Variants in BCKDHB observed in about 807,000 individuals in gnomAD.
BCKDHB encodes branched chain keto acid dehydrogenase E1 subunit beta, also known as 2-oxoisovalerate dehydrogenase subunit beta, mitochondrial.
Under a neutral mutation model 48.5 loss-of-function variants are expected in BCKDHB, and 41 were observed. The ratio of observed to expected loss-of-function variants is 0.85; its 90% CI spans 0.66 to 1.10. The LOEUF is 1.10. Among genes scored for constraint, BCKDHB ranks in the 50% least tolerant of loss-of-function variants. The probability of loss-of-function intolerance (pLI) is 0.00; values close to 1 mark genes in which losing one functional copy is unlikely to be tolerated. For synonymous variants in BCKDHB, 201 were observed against 174.8 expected (o/e 1.15, Z -1.18); for missense variants, 496 against 494.2 (o/e 1.00, Z -0.03).
the BCKDHB span, among the ~76,000 whole-genome samples, chr6:80,378,954 C>A: frequency 0.37 from 56,717 of 151,754 alleles, 12,154 homozygotes; most frequent in East Asian, 0.66. Context: ...AATAAAAAAT[C>A]TCCCAACAAC....
chr6:80,327,726 T>C (rs1562232682), intron 9 of BCKDHB, among the ~76,000 whole-genome samples: 1 of 152,216 alleles, frequency 6.6e-6, no homozygotes, highest in Non-Finnish European at 1.5e-5. Context: ...GTGGTAATAT[T>C]ATACCAATAT....
At chr6:80,178,175 G>A (rs1029716635) in intron 6 of BCKDHB, among the ~76,000 whole-genome samples, 1 of 152,142 alleles carries the variant, frequency 6.6e-6, no homozygotes, top group African/African-American at 2.4e-5. Flanking sequence ...TTTCTACGTG[G>A]AGTCAGAGTT....
At chr6:80,381,581 A>G in the BCKDHB span, among the ~76,000 whole-genome samples, 1 of 152,078 alleles carries the variant, frequency 6.6e-6, no homozygotes, top group African/African-American at 2.4e-5. Flanking sequence ...CTTTATCTGC[A>G]TTGAGATGTC....
the BCKDHB span, among the ~76,000 whole-genome samples, chr6:80,446,553 C>T: frequency 2.0e-5 from 3 of 152,064 alleles, no homozygotes; most frequent in Admixed American, 6.6e-5. Context: ...GGCAGCCTGC[C>T]CAGTCTCAGA....
chr6:80,127,715 A>AC, intron 2 of BCKDHB, 91 bp downstream of exon 2: 1 of 1,140,758 alleles, frequency 8.8e-7, no homozygotes, highest in Non-Finnish European at 1.3e-6. Context: ...TCAATGGTTA[A>AC]CATTGTATCT....
the BCKDHB span, among the ~76,000 whole-genome samples, chr6:80,395,204 A>G: frequency 6.6e-6 from 1 of 152,222 alleles, no homozygotes; most frequent in Non-Finnish European, 1.5e-5. Flanking sequence ...GGAACTGGAT[A>G]ACAGAGCTTG....
intron 6 of BCKDHB, among the ~76,000 whole-genome samples, chr6:80,197,884 G>A (rs1168127377): frequency 6.6e-6 from 1 of 152,044 alleles, no homozygotes; most frequent in Non-Finnish European, 1.5e-5. Flanking sequence ...ATATGTGTGT[G>A]CCTCTCTGTC....
chr6:80,162,144 A>G (rs183814407), intron 3 of BCKDHB, among the ~76,000 whole-genome samples: 1 of 152,258 alleles, frequency 6.6e-6, no homozygotes, highest in East Asian at 1.9e-4. Context: ...ATCATGCTGC[A>G]TGTTCCGGGT....
Position 80,139,492 on chromosome 6 carries a change from G to T in BCKDHB, c.343+10263G>T, listed in dbSNP as rs1297080904. Among the ~76,000 whole-genome samples the T allele has an allele frequency of 4.6e-5, 7 of 150,924 alleles. No homozygotes were observed. The East Asian group carries it at 1.4e-3, about 29-fold the overall frequency. ...AATTGATTTTTGTATAAGGTGTAAG[G>T]AAGGGATCCAGTTTCAGCTTTCTAC... On this transcript the variant is annotated intron_variant, in intron 3 of 9. Transcript: ENST00000320393.
the BCKDHB span, among the ~76,000 whole-genome samples, chr6:80,427,711 C>T: frequency 2.0e-5 from 3 of 151,862 alleles, no homozygotes; most frequent in African/African-American, 7.3e-5. Context: ...TCTTCATTTG[C>T]TAAGATAATT....
At chr6:80,401,504 T>A in the BCKDHB span, among the ~76,000 whole-genome samples, 1 of 151,872 alleles carries the variant, frequency 6.6e-6, no homozygotes, top group Non-Finnish European at 1.5e-5. Context: ...CAAATTGTAA[T>A]CCTCAATGTT....
chr6:80,159,669 A>G (rs1772220155), intron 3 of BCKDHB, among the ~76,000 whole-genome samples: 1 of 152,240 alleles, frequency 6.6e-6, no homozygotes, highest in Admixed American at 6.5e-5. Context: ...TTGTGAAATC[A>G]CAACATATTC....
chr6:80,444,237 T>C, the BCKDHB span, among the ~76,000 whole-genome samples: 1 of 151,974 alleles, frequency 6.6e-6, no homozygotes, highest in African/African-American at 2.4e-5. Flanking sequence ...CTTGTAGATG[T>C]TTGGAAGTCA....
chr6:80,255,696 C>T (rs1777020125), intron 8 of BCKDHB, among the ~76,000 whole-genome samples: 1 of 152,088 alleles, frequency 6.6e-6, no homozygotes, highest in Non-Finnish European at 1.5e-5. Context: ...GGATTTGGGT[C>T]CATGTGTTTA....
At chr6:80,408,573 G>A in the BCKDHB span, among the ~76,000 whole-genome samples, 1 of 151,974 alleles carries the variant, frequency 6.6e-6, no homozygotes, top group African/African-American at 2.4e-5. Context: ...CTTCTTCCTG[G>A]TTTAGTCTTG....
chr6:80,253,871 T>C (rs1466913804), intron 8 of BCKDHB, among the ~76,000 whole-genome samples: 1 of 152,014 alleles, frequency 6.6e-6, no homozygotes, highest in Non-Finnish European at 1.5e-5. Context: ...CACTAATTTT[T>C]TTCATGGCTT....
At chr6:80,270,200 A>G (rs554404826) in intron 8 of BCKDHB, among the ~76,000 whole-genome samples, 1 of 152,264 alleles carries the variant, frequency 6.6e-6, no homozygotes, top group East Asian at 1.9e-4. Flanking sequence ...AACTGTTTTC[A>G]GACAGTTCAG....
At chr6:80,422,999 G>T in the BCKDHB span, among the ~76,000 whole-genome samples, 833 of 152,258 alleles carry the variant, frequency 5.5e-3, 4 homozygotes, top group Non-Finnish European at 9.4e-3. Context: ...GGGGTTAGGC[G>T]TGGAATAATA....
intron 8 of BCKDHB, among the ~76,000 whole-genome samples, chr6:80,217,013 C>G (rs879384472): frequency 6.6e-6 from 1 of 152,020 alleles, no homozygotes; most frequent in Non-Finnish European, 1.5e-5. Context: ...GAGCCTGAGG[C>G]GGGTGGATCA....
Sources: allele counts gnomAD v4.1 joint callset (sites outside exome capture counted in the v4.1 genomes callset), GRCh38; gene constraint gnomAD v4.1.1; transcripts MANE v1.5; gene names NCBI Gene and HGNC (gene_info 2026-07-23, HGNC 2026-07-21).